Variants in WDR49 observed in about 807,000 individuals in gnomAD.
WDR49 encodes WD repeat domain 49.
A neutral mutation model predicts 119.5 loss-of-function variants in WDR49; 107 were observed. That is an observed-to-expected ratio of 0.90 (90% confidence interval 0.77 to 1.05). WDR49 has a LOEUF of 1.05. Ranked by LOEUF, WDR49 falls within the 50% of genes least tolerant of loss-of-function variation. The probability of loss-of-function intolerance (pLI) is 0.00; values close to 1 mark genes in which losing one functional copy is unlikely to be tolerated. For synonymous variants in WDR49, 425 were observed against 418.8 expected (o/e 1.01, Z -0.18); for missense variants, 1,240 against 1,220.5 (o/e 1.02, Z -0.24).
chr3:167,554,237 A>G (rs1218074365), intron 10 of WDR49, among the ~76,000 whole-genome samples: 5 of 152,102 alleles, frequency 3.3e-5, no homozygotes, highest in African/African-American at 7.2e-5. Context: ...AGAAAGGAGG[A>G]GCTATCACAG....
intron 2 of WDR49, among the ~76,000 whole-genome samples, chr3:167,642,244 T>G (rs1373889191): frequency 6.6e-6 from 1 of 151,946 alleles, no homozygotes; most frequent in Non-Finnish European, 1.5e-5. Context: ...AAATTAATTT[T>G]AATATCTATA....
intron 2 of WDR49, among the ~76,000 whole-genome samples, chr3:167,628,332 A>G (rs1269538333): frequency 1.3e-5 from 2 of 152,110 alleles, no homozygotes; most frequent in African/African-American, 4.8e-5. Context: ...AAAAGCTGAG[A>G]GAGGCTGAAA....
chr3:167,561,446 A>T (rs1008338346), intron 8 of WDR49, among the ~76,000 whole-genome samples: 21 of 152,222 alleles, frequency 1.4e-4, no homozygotes, highest in Non-Finnish European at 2.5e-4. Context: ...AGGTGATTTA[A>T]ATTTACAGCC....
chr3:167,596,805 G>A (rs919347063), intron 7 of WDR49, among the ~76,000 whole-genome samples: 17 of 150,632 alleles, frequency 1.1e-4, no homozygotes, highest in African/African-American at 3.9e-4. Flanking sequence ...CACCAGCATG[G>A]CACATATATA....
At chr3:167,619,828 T>C (rs1716781685) in intron 5 of WDR49, among the ~76,000 whole-genome samples, 2 of 152,292 alleles carry the variant, frequency 1.3e-5, no homozygotes, top group Non-Finnish European at 2.9e-5. Flanking sequence ...AAAATTAAGA[T>C]ATTTTATGAA....
rs539256562 is a variant in WDR49 at position 167,479,066 on chromosome 3, G to A, written c.3032-70C>T. 16 of 1,164,938 alleles carry A rather than the reference G, an allele frequency of 1.4e-5. 1 individual carries two copies. The highest frequency in any genetic ancestry group is 1.2e-4 in the South Asian group (8 of 65,422). The allele number at this position is 1,164,938 out of a possible 1,614,324, so 72.2% of individuals were successfully genotyped here. On this transcript the variant is annotated intron_variant, in intron 18 of 18. Coordinates refer to ENST00000682715, the MANE Select transcript of WDR49 (RefSeq NM_001366157.1). ...GAGACCTATTTAAATGAAATAGTGG[G>A]GAGAAAATTCTCAAATTTTGCTTTT...
In WDR49 at chr3:167,498,862, G is replaced by A. The variant is rs539993173; in HGVS notation, c.3031+1291C>T. 2.4e-4 allele frequency among the ~76,000 whole-genome samples: 37 copies of A among 152,206 alleles called. No individual in the cohort carries two copies. The East Asian group carries it at 6.2e-3, about 26-fold the overall frequency. Reference sequence around the variant, plus strand: ...TCAGAGAGAGCCCTCCCTGAACTTTGAAAGGAAAAGTGGGGTAGACAGCAG... The same window carrying A: ...TCAGAGAGAGCCCTCCCTGAACTTTAAAAGGAAAAGTGGGGTAGACAGCAG... On this transcript the variant is annotated intron_variant, in intron 18 of 18. Coordinates refer to ENST00000682715, the MANE Select transcript of WDR49 (RefSeq NM_001366157.1).
chr3:167,637,778 G>A (rs1559927832), intron 2 of WDR49, among the ~76,000 whole-genome samples: 1 of 151,686 alleles, frequency 6.6e-6, no homozygotes, highest in Non-Finnish European at 1.5e-5. Flanking sequence ...AAGGAGTTAA[G>A]TTCTTGATTT....
chr3:167,555,914 T>C (rs1445407633), intron 9 of WDR49, among the ~76,000 whole-genome samples: 1 of 152,194 alleles, frequency 6.6e-6, no homozygotes, highest in Non-Finnish European at 1.5e-5. Flanking sequence ...CTAGACTATA[T>C]GGTATAGCCT....
intron 8 of WDR49, chr3:167,566,861 G>C: frequency 1.5e-6 from 1 of 685,582 alleles, no homozygotes; most frequent in South Asian, 1.6e-5. Flanking sequence ...TTATCATAAG[G>C]GTCTTCATTC....
At chr3:167,532,092 C>T (rs1230854784) in intron 12 of WDR49, among the ~76,000 whole-genome samples, 1 of 151,948 alleles carries the variant, frequency 6.6e-6, no homozygotes, top group African/African-American at 2.4e-5. Context: ...ACCAAGTATC[C>T]CCTAAATCTC....
chr3:167,505,408 G>T lies in WDR49; in HGVS notation c.2783C>A (p.Pro928Gln). The T allele has an allele frequency of 1.3e-6, 2 of 1,507,864 alleles. No individual in the cohort carries two copies. Among genetic ancestry groups the T allele is most frequent in the Non-Finnish European group, 1.8e-6 (2 of 1,137,234 alleles). The allele number at this position is 1,507,864 out of a possible 1,614,324, so 93.4% of individuals were successfully genotyped here. ...NKDDSTYNVR[P>Q]SEDINLDIKY... is the part of the protein sequence containing the mutation. ...TATATCTAAATTTATATCTTCTGAT[G>T]GTCTGACACTGGAAGAAAATATTTC... is the stretch of plus-strand genomic sequence containing the variant. The change falls in exon 17 of 19, where the codon CCA (proline) becomes CAA (glutamine). Residue 928 changes from proline to glutamine, a missense_variant. By Grantham distance (76) the Pro-to-Gln change is moderately conservative. Transcript: ENST00000682715.
chr3:167,482,786 T>C (rs921117226), intron 18 of WDR49, among the ~76,000 whole-genome samples: 1 of 151,090 alleles, frequency 6.6e-6, no homozygotes, highest in Non-Finnish European at 1.5e-5. Context: ...ATGGAAACAA[T>C]GTGGAGTTAA....
At chr3:167,538,286 A>C (rs1382554002) in intron 10 of WDR49, among the ~76,000 whole-genome samples, 1 of 152,160 alleles carries the variant, frequency 6.6e-6, no homozygotes, top group Admixed American at 6.6e-5. Context: ...CAAATTTGAC[A>C]TCTTCCCTCC....
At chr3:167,654,998 G>A (rs1407662986), upstream of WDR49, among the ~76,000 whole-genome samples, 2 of 152,044 alleles carry the variant, frequency 1.3e-5, no homozygotes, top group Non-Finnish European at 2.9e-5. Flanking sequence ...GATACTGCAT[G>A]TATTAGTCTG....
chr3:167,627,425 C>T (rs769648189), intron 2 of WDR49, 133 bp from the exon 3 acceptor site: 1 of 852,334 alleles, frequency 1.2e-6, no homozygotes, highest in Non-Finnish European at 1.6e-6. Flanking sequence ...TTTTTTGCTT[C>T]ATAACAGTAA....
upstream of WDR49, among the ~76,000 whole-genome samples, chr3:167,654,618 G>T (rs1056403563): frequency 6.6e-6 from 1 of 152,170 alleles, no homozygotes; most frequent in Non-Finnish European, 1.5e-5. Flanking sequence ...GCAAAAAGCC[G>T]GGCAAGGTGG....
At chr3:167,508,007 T>C (rs891554674) in intron 16 of WDR49, among the ~76,000 whole-genome samples, 2 of 152,150 alleles carry the variant, frequency 1.3e-5, no homozygotes, top group Non-Finnish European at 2.9e-5. Flanking sequence ...AATGCCTTAG[T>C]AGGTGATGCA....
intron 16 of WDR49, among the ~76,000 whole-genome samples, chr3:167,512,681 C>T (rs570150801): frequency 6.6e-6 from 1 of 152,272 alleles, no homozygotes; most frequent in South Asian, 2.1e-4. Flanking sequence ...AGAGTATGTT[C>T]TAACACAATG....
Sources: allele counts gnomAD v4.1 joint callset (sites outside exome capture counted in the v4.1 genomes callset), GRCh38; gene constraint gnomAD v4.1.1; transcripts MANE v1.5; gene names NCBI Gene and HGNC (gene_info 2026-07-23, HGNC 2026-07-21).